The following APBB1IP variants were observed in gnomAD, a reference collection of about 807,000 sequenced individuals.
APBB1IP encodes the protein amyloid beta precursor protein binding family B member 1 interacting protein.
APBB1IP carries 27 observed loss-of-function variants against 64.9 expected under a neutral mutation model. That is an observed-to-expected ratio of 0.42 (90% CI 0.31 to 0.57). The LOEUF is 0.57. Ranked by LOEUF, APBB1IP falls within the 20% of genes least tolerant of loss-of-function variation. APBB1IP has a pLI of 0.20. For synonymous variants in APBB1IP, 392 were observed against 331.0 expected (o/e 1.18, Z -2.00); for missense variants, 812 against 845.5 (o/e 0.96, Z 0.49).
At chr10:26,545,755 G>A (rs1368531440) in intron 11 of APBB1IP, among the ~76,000 whole-genome samples, 2 of 140,538 alleles carry the variant, frequency 1.4e-5, no homozygotes, top group Admixed American at 1.4e-4. Context: ...GCGAGACTCC[G>A]TCTCAAAAAA....
intron 5 of APBB1IP, chr10:26,501,760 A>T (rs1836103343): frequency 6.6e-6 from 1 of 152,520 alleles, no homozygotes; most frequent in Admixed American, 6.5e-5. Context: ...TTTTTAGAGT[A>T]AGCCAAATAT....
intron 11 of APBB1IP, among the ~76,000 whole-genome samples, chr10:26,559,204 A>C (rs1836934718): frequency 6.6e-6 from 1 of 152,216 alleles, no homozygotes; most frequent in African/African-American, 2.4e-5. Flanking sequence ...TAGAGACAAG[A>C]TAGAGGTGAA....
At chr10:26,550,174 A>G (rs145544984) in intron 11 of APBB1IP, among the ~76,000 whole-genome samples, 116 of 151,916 alleles carry the variant, frequency 7.6e-4, no homozygotes, top group Middle Eastern at 3.4e-3. Flanking sequence ...TGCTGCTTTC[A>G]GGTGCATCGC....
chr10:26,517,318 C>T (rs527644147), intron 8 of APBB1IP, among the ~76,000 whole-genome samples: 5 of 152,360 alleles, frequency 3.3e-5, no homozygotes, highest in South Asian at 2.1e-4. Context: ...GGAGTTGCAG[C>T]GGCCTTCCTC....
chr10:26,471,162 G>C (rs529352974), intron 2 of APBB1IP, among the ~76,000 whole-genome samples: 1 of 152,134 alleles, frequency 6.6e-6, no homozygotes, highest in Non-Finnish European at 1.5e-5. Flanking sequence ...GTCAGGGCTG[G>C]GTTTTGAACT....
At chr10:26,480,490 G>T (rs1026890514) in intron 2 of APBB1IP, among the ~76,000 whole-genome samples, 1 of 152,094 alleles carries the variant, frequency 6.6e-6, no homozygotes, top group Non-Finnish European at 1.5e-5. Context: ...TTTCCAGGAG[G>T]GAGTGATCAA....
chr10:26,543,911 G>A (rs1391486865), intron 11 of APBB1IP, among the ~76,000 whole-genome samples: 2 of 152,176 alleles, frequency 1.3e-5, no homozygotes, highest in African/African-American at 2.4e-5. Context: ...AGAGAGATGG[G>A]GAGCATGCCC....
chr10:26,533,576 T>C, intron 9 of APBB1IP, 51 bp downstream of exon 9: 1 of 1,215,432 alleles, frequency 8.2e-7, no homozygotes, highest in Non-Finnish European at 1.1e-6. Context: ...TTTGCTCTAT[T>C]TTTAAGTCAT....
intron 2 of APBB1IP, among the ~76,000 whole-genome samples, chr10:26,474,938 A>G (rs189566045): frequency 6.6e-6 from 1 of 152,328 alleles, no homozygotes; most frequent in East Asian, 1.9e-4. Context: ...GCTTAACATT[A>G]TCTGTTCTAG....
chr10:26,505,522 A>G (rs1234603232), intron 6 of APBB1IP, among the ~76,000 whole-genome samples: 1 of 152,032 alleles, frequency 6.6e-6, no homozygotes, highest in East Asian at 1.9e-4. Context: ...AAACCATTTT[A>G]CTTAAGAGAC....
chr10:26,560,739 ACT>A lies in APBB1IP; in HGVS notation c.1269_1270del (p.Tyr424Ter). ...TGTGTTCTCTCCCCAGTATGGGAAG[ACT>A]CTCTATGATAACTACCAGCGGGCTG... ...MGIRIAKYGK[T>X]LYDNYQRAVA... is the part of the protein sequence containing the mutation. On this transcript the variant is annotated frameshift_variant, in exon 13 of 15. Coordinates refer to ENST00000376236, the MANE Select transcript of APBB1IP (RefSeq NM_019043.4). LOFTEE classifies it high-confidence loss of function. The A allele has an allele frequency of 1.3e-6, 2 of 1,579,912 alleles. No homozygotes were observed. Among genetic ancestry groups the A allele is most frequent in the Non-Finnish European group, 1.7e-6 (2 of 1,163,932 alleles).
chr10:26,456,235 T>C (rs1282245527), intron 2 of APBB1IP, among the ~76,000 whole-genome samples: 1 of 152,212 alleles, frequency 6.6e-6, no homozygotes, highest in Non-Finnish European at 1.5e-5. Context: ...ATTGTTTCAT[T>C]TCACCTGCAT....
At chr10:26,544,446 G>T (rs532988933) in intron 11 of APBB1IP, among the ~76,000 whole-genome samples, 1 of 152,312 alleles carries the variant, frequency 6.6e-6, no homozygotes, top group South Asian at 2.1e-4. Context: ...TAAGGATGGA[G>T]CCTAGGAATC....
chr10:26,555,265 C>G (rs1836881134), intron 11 of APBB1IP, among the ~76,000 whole-genome samples: 2 of 152,140 alleles, frequency 1.3e-5, no homozygotes, highest in South Asian at 4.1e-4. Flanking sequence ...CAGTGCCCCC[C>G]ACTGCCCAGG....
intron 6 of APBB1IP, among the ~76,000 whole-genome samples, chr10:26,507,881 A>G (rs787033): frequency 0.51 from 77,218 of 152,032 alleles, 21,901 homozygotes; most frequent in African/African-American, 0.77. Context: ...GGAGAGGGCA[A>G]GTATTTCCTG....
intron 11 of APBB1IP, among the ~76,000 whole-genome samples, chr10:26,545,486 C>T (rs968296225): frequency 1.3e-5 from 2 of 151,974 alleles, no homozygotes; most frequent in African/African-American, 4.8e-5. Context: ...TTAGGCCGGG[C>T]GCGGTGGCTC....
chr10:26,559,949 T>G (rs1420367639), intron 11 of APBB1IP, among the ~76,000 whole-genome samples, 156 bp from the exon 12 acceptor site: 1 of 152,208 alleles, frequency 6.6e-6, no homozygotes, highest in Non-Finnish European at 1.5e-5. Flanking sequence ...TAGTCATTTT[T>G]AAAAGTTATC....
At chr10:26,447,464 C>T (rs1835414869) in intron 2 of APBB1IP, among the ~76,000 whole-genome samples, 1 of 150,854 alleles carries the variant, frequency 6.6e-6, no homozygotes, top group South Asian at 2.1e-4. Flanking sequence ...GTGTAAAACA[C>T]TTTAGCAGTG....
At chr10:26,534,491 G>A (rs1588608742) in intron 9 of APBB1IP, among the ~76,000 whole-genome samples, 1 of 152,092 alleles carries the variant, frequency 6.6e-6, no homozygotes, top group East Asian at 1.9e-4. Context: ...TGAAAAATCA[G>A]AAGACCTGGT....
Sources: allele counts gnomAD v4.1 joint callset (sites outside exome capture counted in the v4.1 genomes callset), GRCh38; gene constraint gnomAD v4.1.1; transcripts MANE v1.5; gene names NCBI Gene and HGNC (gene_info 2026-07-23, HGNC 2026-07-21).